CTNNA3: variants seen among roughly 807,000 people sequenced by gnomAD.
CTNNA3 encodes catenin alpha 3.
In CTNNA3, 76 loss-of-function variants were observed where a neutral mutation model predicts 95.7. That is an observed-to-expected ratio of 0.79 (90% CI 0.66 to 0.96). The LOEUF is 0.96. Among genes scored for constraint, CTNNA3 ranks in the 40% least tolerant of loss-of-function variants. CTNNA3 has a pLI of 0.00. For missense variants in CTNNA3, 1,191 were observed against 1,089.8 expected (o/e 1.09, Z -1.31); for synonymous variants, 431 against 374.4 (o/e 1.15, Z -1.74).
At chr10:66,035,967 A>G (rs907316482) in intron 15 of CTNNA3, among the ~76,000 whole-genome samples, 2 of 152,128 alleles carry the variant, frequency 1.3e-5, no homozygotes, top group African/African-American at 4.8e-5. Context: ...TTTACTTTAT[A>G]TATACCCATT....
At chr10:67,658,028 C>A (rs918876999) in intron 1 of CTNNA3, among the ~76,000 whole-genome samples, 1 of 152,212 alleles carries the variant, frequency 6.6e-6, no homozygotes, top group Non-Finnish European at 1.5e-5. Flanking sequence ...CCATGTGAGA[C>A]ATCCTTTCGC....
intron 1 of CTNNA3, among the ~76,000 whole-genome samples, chr10:67,718,110 GCTTT>G (rs1213764152): frequency 6.6e-6 from 1 of 151,710 alleles, no homozygotes; most frequent in Non-Finnish European, 1.5e-5. Flanking sequence ...TCATGATTTG[GCTTT>G]CTGTCTGTTA....
chr10:67,343,902 C>G (rs1201056695), intron 5 of CTNNA3, among the ~76,000 whole-genome samples: 1 of 148,286 alleles, frequency 6.7e-6, no homozygotes, highest in Non-Finnish European at 1.5e-5. Flanking sequence ...AACACTACAG[C>G]TTTTATTATA....
chr10:66,000,736 C>T (rs1267622878), intron 15 of CTNNA3, among the ~76,000 whole-genome samples: 9 of 152,124 alleles, frequency 5.9e-5, no homozygotes, highest in Non-Finnish European at 2.9e-5. Flanking sequence ...ATACTATACA[C>T]ACACTAATTT....
At chr10:67,249,226 T>C (rs1305575529) in intron 5 of CTNNA3, among the ~76,000 whole-genome samples, 2 of 152,106 alleles carry the variant, frequency 1.3e-5, no homozygotes, top group Non-Finnish European at 2.9e-5. Flanking sequence ...TATAAAGAGC[T>C]ATAAAAACTC....
intron 7 of CTNNA3, chr10:66,926,327 A>T (rs916767821): frequency 1.8e-6 from 1 of 548,918 alleles, no homozygotes; most frequent in Non-Finnish European, 3.3e-6. Flanking sequence ...CGTAATATCC[A>T]TGAAGATCCT....
At chr10:66,887,733 C>T (rs1845098725) in intron 7 of CTNNA3, among the ~76,000 whole-genome samples, 1 of 152,170 alleles carries the variant, frequency 6.6e-6, no homozygotes, top group Non-Finnish European at 1.5e-5. Flanking sequence ...ATCTGACTTA[C>T]TTTTAGAACC....
At chr10:67,348,117 T>C (rs920729937) in intron 5 of CTNNA3, among the ~76,000 whole-genome samples, 1 of 152,052 alleles carries the variant, frequency 6.6e-6, no homozygotes, top group Admixed American at 6.6e-5. Flanking sequence ...AAACATGAAA[T>C]TGAACCCTTA....
intron 12 of CTNNA3, among the ~76,000 whole-genome samples, chr10:66,330,852 G>A (rs2092317402): frequency 4.1e-5 from 1 of 24,338 alleles, no homozygotes; most frequent in African/African-American, 6.1e-5. Flanking sequence ...TGTGTTTTTC[G>A]GCTGCATAAA....
chr10:66,177,618 G>A lies in CTNNA3; in HGVS notation c.1885-74369C>T, dbSNP rs866561561. The stretch of plus-strand genomic sequence containing the variant: ...CAGCCCTAGACTGAAGAATTTTACC[G>A]TTCTAATTACAAACAGTAGCAGTTA... On this transcript the variant is annotated intron_variant, in intron 13 of 17. Coordinates refer to ENST00000433211, the MANE Select transcript of CTNNA3 (RefSeq NM_013266.4). 7.2e-5 allele frequency among the ~76,000 whole-genome samples: 11 copies of A among 152,004 alleles called. No individual in the cohort carries two copies. In the East Asian group the frequency reaches 9.6e-4, roughly 13 times the overall value.
chr10:67,151,707 T>A (rs1410062444), intron 7 of CTNNA3, among the ~76,000 whole-genome samples: 1 of 152,238 alleles, frequency 6.6e-6, no homozygotes, highest in African/African-American at 2.4e-5. Context: ...CAGTTCAGTT[T>A]ACGGAGTATC....
chr10:66,722,382 A>T (rs932281661), intron 9 of CTNNA3, among the ~76,000 whole-genome samples: 1 of 152,048 alleles, frequency 6.6e-6, no homozygotes, highest in Non-Finnish European at 1.5e-5. Flanking sequence ...TGTCTCAAAA[A>T]AAAAAAAAAA....
chr10:67,346,836 G>A, intron 5 of CTNNA3: 1 of 329,814 alleles, frequency 3.0e-6, no homozygotes, highest in South Asian at 2.3e-5. Context: ...CTTTCCCACT[G>A]ATATCAATGC....
intron 7 of CTNNA3, among the ~76,000 whole-genome samples, chr10:67,067,890 T>C (rs2131837812): frequency 6.6e-6 from 1 of 152,262 alleles, no homozygotes; most frequent in East Asian, 1.9e-4. Flanking sequence ...ATGTACAGGG[T>C]CCATTGGCAA....
chr10:65,976,180 C>T (rs1004712076), intron 16 of CTNNA3, among the ~76,000 whole-genome samples: 3 of 152,072 alleles, frequency 2.0e-5, no homozygotes, highest in African/African-American at 7.2e-5. Context: ...AGTCTTCTTG[C>T]CAATTTTATC....
intron 7 of CTNNA3, among the ~76,000 whole-genome samples, chr10:66,776,369 A>T (rs1330073722): frequency 6.6e-6 from 1 of 152,168 alleles, no homozygotes; most frequent in African/African-American, 2.4e-5. Context: ...GAAAATCAGG[A>T]AGGCAAGTTT....
At chr10:66,331,342 G>GTTTTTTTTTTTTTTT (rs60709020) in intron 12 of CTNNA3, among the ~76,000 whole-genome samples, 1 of 80,346 alleles carries the variant, frequency 1.2e-5, no homozygotes, top group Admixed American at 1.6e-4. Context: ...CCCATTGTTT[G>GTTTTTTTTTTTTTTT]TTTTTTTTTT....
intron 10 of CTNNA3, among the ~76,000 whole-genome samples, chr10:66,619,672 C>T (rs1415345353): frequency 1.3e-5 from 2 of 149,650 alleles, no homozygotes; most frequent in Non-Finnish European, 3.0e-5. Context: ...TGTAACTAAC[C>T]TGCACATTGT....
At chr10:66,867,675 C>A (rs1259770495) in intron 7 of CTNNA3, among the ~76,000 whole-genome samples, 22 of 151,912 alleles carry the variant, frequency 1.4e-4, no homozygotes. Flanking sequence ...AAGTTCAAGC[C>A]TCACCATGTC....
Sources: allele counts gnomAD v4.1 joint callset (sites outside exome capture counted in the v4.1 genomes callset), GRCh38; gene constraint gnomAD v4.1.1; transcripts MANE v1.5; gene names NCBI Gene and HGNC (gene_info 2026-07-23, HGNC 2026-07-21).